CENPE: variants seen among roughly 807,000 people sequenced by gnomAD.
CENPE encodes the protein centromere-associated protein E.
A neutral mutation model predicts 336.1 loss-of-function variants in CENPE; 145 were observed. That is an observed-to-expected ratio of 0.43 (90% CI 0.38 to 0.50). CENPE has a LOEUF of 0.50. Ranked by LOEUF, CENPE falls within the 20% of genes least tolerant of loss-of-function variation. CENPE has a pLI of 0.00. For synonymous variants in CENPE, 1,013 were observed against 984.8 expected (o/e 1.03, Z -0.54); for missense variants, 2,719 against 3,023.3 (o/e 0.90, Z 2.36).
chr4:103,171,357 A>G (rs1374316034), intron 16 of CENPE, among the ~76,000 whole-genome samples: 1 of 152,136 alleles, frequency 6.6e-6, no homozygotes, highest in Non-Finnish European at 1.5e-5. Context: ...CTAGAAATTA[A>G]TAATAGCAGA....
chr4:103,186,901 C>A (rs1391258622), intron 8 of CENPE, among the ~76,000 whole-genome samples: 1 of 152,100 alleles, frequency 6.6e-6, no homozygotes, highest in Non-Finnish European at 1.5e-5. Flanking sequence ...ATAGCCAAAA[C>A]ACTTAGTCAC....
At chr4:103,136,448 A>G in intron 39 of CENPE, 89 bp from the exon 40 acceptor site, 1 of 838,534 alleles carries the variant, frequency 1.2e-6, no homozygotes, top group Non-Finnish European at 1.8e-6. Flanking sequence ...AACAAAACTT[A>G]TGCTTTAACA....
intron 8 of CENPE, among the ~76,000 whole-genome samples, chr4:103,192,194 ATT>A (rs1757414790): frequency 6.6e-6 from 1 of 152,176 alleles, no homozygotes; most frequent in African/African-American, 2.4e-5. Context: ...GTAAATATGT[ATT>A]ACCAGTTAAG....
Position 103,124,032 on chromosome 4 carries a change from T to A in CENPE, c.6925-943A>T, listed in dbSNP as rs187313392. Among the ~76,000 whole-genome samples, 79 of 152,302 alleles carry A rather than the reference T, an allele frequency of 5.2e-4. 1 individual carries two copies. In the East Asian group the frequency reaches 0.015, roughly 29 times the overall value. ...CTTTTACTATAGTATATTGTTAAAA[T>A]TGTTCTATTTTATTAGCTGTTGTTA... On this transcript the variant is annotated intron_variant, in intron 42 of 48. Coordinates refer to ENST00000265148, the MANE Select transcript of CENPE (RefSeq NM_001813.3).
At position 103,158,745 on chromosome 4, in the gene CENPE, C is replaced by T. The variant is rs377440200; in HGVS notation, c.2743G>A (p.Glu915Lys). 44 of 1,613,022 alleles carry T rather than the reference C, an allele frequency of 2.7e-5. No individual in the cohort carries two copies. Among genetic ancestry groups the T allele is most frequent in the Non-Finnish European group, 3.7e-5 (44 of 1,179,488 alleles). The change falls in exon 23 of 49, where the codon GAG becomes AAG. Residue 915 changes from glutamate to lysine, a missense_variant. Glu to Lys is a moderately conservative substitution (Grantham distance 56). This residue lies in a region of CENPE where 2,437 missense variants were observed against 2,513.3 expected (regional missense o/e 0.97). Coordinates refer to ENST00000265148, the MANE Select transcript of CENPE (RefSeq NM_001813.3). ...TVEREKTLIT[E>K]KLQQTLEEVK... Reference sequence around the variant, plus strand: ...TCTTCTAAAGTTTGCTGCAGTTTCTCAGTAATCAGTGTTTTCTCCCTTTCT... The same window carrying T: ...TCTTCTAAAGTTTGCTGCAGTTTCTTAGTAATCAGTGTTTTCTCCCTTTCT...
chr4:103,183,542 A>G (rs901393863), intron 9 of CENPE, among the ~76,000 whole-genome samples: 6 of 152,164 alleles, frequency 3.9e-5, no homozygotes, highest in Admixed American at 2.0e-4. Context: ...GGAAGAATGC[A>G]GGGAAAAAAA....
intron 16 of CENPE, among the ~76,000 whole-genome samples, chr4:103,173,177 C>T (rs1292567501): frequency 6.6e-6 from 1 of 151,844 alleles, no homozygotes. Flanking sequence ...GCCAATAGAA[C>T]AGAGAACGCG....
Position 103,106,110 on chromosome 4 carries a change from G to T in CENPE, c.*112C>A, listed in dbSNP as rs1578518803. ...CTTTCAACTCTAGTGGCAAAGTAAA[G>T]ACTGAATTGAAATTAAGCTGCACTA... On this transcript the variant is annotated 3_prime_UTR_variant, in exon 49 of 49. Coordinates refer to ENST00000265148, the MANE Select transcript of CENPE (RefSeq NM_001813.3). 2 of 560,842 alleles carry T rather than the reference G, an allele frequency of 3.6e-6. No individual in the cohort carries two copies. The highest frequency in any genetic ancestry group is 5.8e-6 in the Non-Finnish European group (2 of 346,886). 34.7% of individuals were successfully genotyped at this position (560,842 alleles called of 1,614,324 possible).
Position 103,143,327 on chromosome 4 carries a change from C to T in CENPE, c.5225G>A (p.Gly1742Glu), listed in dbSNP as rs764627096. ...TTCATTTGTTTTCTCTGAAACAATCCCTCTTAGTTTATCAATAGTTTCTTG... is the reference window on the plus strand; with the variant it reads ...TTCATTTGTTTTCTCTGAAACAATCTCTCTTAGTTTATCAATAGTTTCTTG... ...EHQETIDKLR[G>E]IVSEKTNEIS... Residue 1742 changes from glycine to glutamate, a missense_variant, in exon 34 of 49, where the codon GGG becomes GAG. By Grantham distance (98) the Gly-to-Glu change is moderately conservative (BLOSUM62 -2). This residue lies in a region of CENPE where 2,437 missense variants were observed against 2,513.3 expected (regional missense o/e 0.97). Transcript: ENST00000265148. The T allele has an allele frequency of 2.4e-5, 38 of 1,603,864 alleles. No homozygotes were observed. Among genetic ancestry groups the T allele is most frequent in the South Asian group, 1.8e-4 (16 of 90,536 alleles).
chr4:103,194,653 T>A lies in CENPE; in HGVS notation c.509A>T (p.Glu170Val). The change falls in exon 6 of 49, where the codon GAA (glutamate) becomes GTA (valine). Residue 170 changes from glutamate to valine, a missense_variant. By Grantham distance (121) the Glu-to-Val change is moderately radical. Coordinates refer to ENST00000265148, the MANE Select transcript of CENPE (RefSeq NM_001813.3). ...RNVYVADLTE[E>V]VVYTSEMALK... ...AGCCATTTCTGATGTATATACAACT[T>A]CTTCTGTGAGATCAGCAACATACAC... 1 of 1,609,264 alleles carries A rather than the reference T, an allele frequency of 6.2e-7. No homozygotes were observed. The highest frequency in any genetic ancestry group is 2.2e-5 in the East Asian group (1 of 44,702).
intron 41 of CENPE, 142 bp from the exon 42 acceptor site, chr4:103,133,038 C>G (rs1235995755): frequency 1.8e-5 from 3 of 168,998 alleles, no homozygotes; most frequent in African/African-American, 7.7e-5. Context: ...CTTTTAATAT[C>G]ATTTCTTAAT....
Position 103,134,632 on chromosome 4 carries a change from T to G in CENPE, c.6523-740A>C, listed in dbSNP as rs1202669770. ...GCCTGGGCAACAGAGCAAGACTCCGTCTCAAAAAAAAAAAAAAAAAAAAAA... is the reference window on the plus strand; with the variant it reads ...GCCTGGGCAACAGAGCAAGACTCCGGCTCAAAAAAAAAAAAAAAAAAAAAA... On this transcript the variant is annotated intron_variant, in intron 40 of 48. Transcript: ENST00000265148. Among the ~76,000 whole-genome samples the G allele has an allele frequency of 1.7e-4, 16 of 93,936 alleles. No homozygotes were observed. In the Admixed American group the frequency reaches 2.2e-3, roughly 13 times the overall value. 61.6% of individuals were successfully genotyped at this position (93,936 alleles called of 152,430 possible). A position where few individuals can be genotyped will look rare whatever the true frequency, so the allele number is the denominator to read the frequency against.
At chr4:103,137,922 T>C (rs1334599890) in intron 39 of CENPE, among the ~76,000 whole-genome samples, 2 of 152,274 alleles carry the variant, frequency 1.3e-5, no homozygotes, top group Admixed American at 6.5e-5. Flanking sequence ...TAAAACTCAG[T>C]CTTTTTTCAT....
Position 103,149,418 on chromosome 4 carries a change from C to A in CENPE, c.3397-10G>T. On this transcript the variant is annotated splice_polypyrimidine_tract_variant and intron_variant, in intron 26 of 48. Transcript: ENST00000265148. The stretch of plus-strand genomic sequence containing the variant: ...CTTGGAGTTGCTGGCTCTTAAAATG[C>A]ACAATTTTTATAATTACCATTTTAC... 6.5e-7 allele frequency: 1 copy of A among 1,544,140 alleles called. No homozygotes were observed. The highest frequency in any genetic ancestry group is 1.3e-5 in the South Asian group (1 of 79,040).
At chr4:103,115,948 G>C (rs1750070400) in intron 45 of CENPE, among the ~76,000 whole-genome samples, 1 of 151,962 alleles carries the variant, frequency 6.6e-6, no homozygotes, top group African/African-American at 2.4e-5. Flanking sequence ...AGCCAGGATG[G>C]TCTCTATCTC....
chr4:103,192,340 G>A (rs1488661359), intron 8 of CENPE, among the ~76,000 whole-genome samples: 1 of 152,170 alleles, frequency 6.6e-6, no homozygotes. Flanking sequence ...ATACTCAGAG[G>A]CCCAATCTAT....
chr4:103,196,237 C>T lies in CENPE; in HGVS notation c.164G>A (p.Gly55Asp). Residue 55 changes from glycine to aspartate, a missense_variant, in exon 3 of 49, where the codon GGT (glycine) becomes GAT (aspartate). This residue lies in a region of CENPE where 106 missense variants were observed against 189.3 expected (regional missense o/e 0.56). Coordinates refer to ENST00000265148, the MANE Select transcript of CENPE (RefSeq NM_001813.3). ...KSFNFDRVFH[G>D]NETTKNVYEE... ...ATACACATTTTTGGTAGTTTCATTA[C>T]CATGAAAGACACGATCTAAACAACA... The T allele has an allele frequency of 6.2e-7, 1 of 1,610,206 alleles. No individual in the cohort carries two copies. The highest frequency in any genetic ancestry group is 8.5e-7 in the Non-Finnish European group (1 of 1,177,258).
intron 8 of CENPE, among the ~76,000 whole-genome samples, chr4:103,187,604 AT>A (rs1437765758): frequency 6.6e-6 from 1 of 152,062 alleles, no homozygotes; most frequent in African/African-American, 2.4e-5. Flanking sequence ...ATGCTGAGAG[AT>A]TTTGTCACCA....
At chr4:103,148,162 TTTTC>T (rs1753223709) in intron 28 of CENPE, among the ~76,000 whole-genome samples, 1 of 152,208 alleles carries the variant, frequency 6.6e-6, no homozygotes, top group Non-Finnish European at 1.5e-5. Context: ...TCTGTCATAC[TTTTC>T]TTTCTTTGTA....
Sources: allele counts gnomAD v4.1 joint callset (sites outside exome capture counted in the v4.1 genomes callset), GRCh38; gene constraint gnomAD v4.1.1; regional missense constraint gnomAD v4.1.1; transcripts MANE v1.5; gene names NCBI Gene and HGNC (gene_info 2026-07-23, HGNC 2026-07-21).